The following CTIF variants were observed in gnomAD, a reference collection of about 807,000 sequenced individuals.
CTIF encodes cap binding complex dependent translation initiation factor, also known as CBP80/20-dependent translation initiation factor.
In CTIF, 21 loss-of-function variants were observed where a neutral mutation model predicts 66.0. The observed-to-expected ratio is 0.32, with a 90% CI of 0.23 to 0.46. CTIF has a LOEUF of 0.46. CTIF is among the 20% of genes least tolerant of loss of function. The pLI, the probability that CTIF is intolerant of heterozygous loss-of-function variation, is 1.00. For missense variants in CTIF, 739 were observed against 812.7 expected (o/e 0.91, Z 1.10); for synonymous variants, 345 against 326.4 (o/e 1.06, Z -0.62).
intron 6 of CTIF, among the ~76,000 whole-genome samples, chr18:48,708,351 G>C (rs987956093): frequency 3.3e-5 from 5 of 152,316 alleles, no homozygotes; most frequent in African/African-American, 9.6e-5. Flanking sequence ...GAGGAGTGTA[G>C]GCAGCACCCT....
At position 48,716,514 on chromosome 18, in the gene CTIF, T is replaced by C. The variant is rs2092283377; in HGVS notation, c.584+4819T>C. 2.0e-5 allele frequency among the ~76,000 whole-genome samples: 3 copies of C among 151,494 alleles called. No homozygotes were observed. The South Asian group carries it at 6.3e-4, about 32-fold the overall frequency. Reference sequence around the variant, plus strand: ...CTGTGGCTTGGTGTCCTCTAAATGCTCCTCTGCATCTAAGCAGGCTCTGGA... The same window carrying C: ...CTGTGGCTTGGTGTCCTCTAAATGCCCCTCTGCATCTAAGCAGGCTCTGGA... On this transcript the variant is annotated intron_variant, in intron 7 of 11. Transcript: ENST00000256413.
At chr18:48,817,141 CAG>C in intron 9 of CTIF, 78 bp from the exon 10 acceptor site, 1 of 1,423,346 alleles carries the variant, frequency 7.0e-7, no homozygotes, top group Non-Finnish European at 9.6e-7. Context: ...CCCAAGACAA[CAG>C]ATGCTCTGCA....
At chr18:48,672,262 A>C (rs1395449778) in intron 6 of CTIF, among the ~76,000 whole-genome samples, 4 of 151,930 alleles carry the variant, frequency 2.6e-5, no homozygotes, top group African/African-American at 9.7e-5. Context: ...CCTCATAAAT[A>C]GGGCTGGCTG....
At chr18:48,813,820 C>T (rs1313900170) in intron 9 of CTIF, among the ~76,000 whole-genome samples, 2 of 152,224 alleles carry the variant, frequency 1.3e-5, no homozygotes, top group Non-Finnish European at 2.9e-5. Flanking sequence ...CCTGAGAGCA[C>T]CATCCCTTAA....
intron 6 of CTIF, among the ~76,000 whole-genome samples, chr18:48,687,840 G>A (rs569069494): frequency 1.3e-5 from 2 of 152,294 alleles, no homozygotes; most frequent in Non-Finnish European, 2.9e-5. Flanking sequence ...CCTGAGTCCC[G>A]CTGTCCTTTG....
At chr18:48,845,623 G>A (rs2069053791) in intron 10 of CTIF, among the ~76,000 whole-genome samples, 1 of 152,030 alleles carries the variant, frequency 6.6e-6, no homozygotes, top group Admixed American at 6.6e-5. Context: ...TCACACCAAC[G>A]GCTTGACTAA....
intron 3 of CTIF, among the ~76,000 whole-genome samples, chr18:48,657,578 A>G (rs577398224): frequency 6.6e-6 from 1 of 152,198 alleles, no homozygotes; most frequent in Admixed American, 6.5e-5. Context: ...CTGCAGTACA[A>G]CAATGACGAG....
intron 1 of CTIF, among the ~76,000 whole-genome samples, chr18:48,613,176 C>G (rs866508344): frequency 6.6e-6 from 1 of 152,098 alleles, no homozygotes; most frequent in African/African-American, 2.4e-5. Flanking sequence ...CTCCTCATGC[C>G]GTTTGTCACT....
chr18:48,770,637 T>C (rs1910014275), intron 9 of CTIF, among the ~76,000 whole-genome samples: 1 of 152,218 alleles, frequency 6.6e-6, no homozygotes. Context: ...CAGGTGTGGG[T>C]CGTGCCCCCG....
At chr18:48,657,477 A>T (rs1264657067) in intron 3 of CTIF, among the ~76,000 whole-genome samples, 1 of 152,178 alleles carries the variant, frequency 6.6e-6, no homozygotes, top group Non-Finnish European at 1.5e-5. Context: ...CACTAAATTT[A>T]AACCACCAAC....
chr18:48,562,547 A>G (rs1051910692), intron 1 of CTIF, among the ~76,000 whole-genome samples: 7 of 152,154 alleles, frequency 4.6e-5, no homozygotes, highest in Admixed American at 4.6e-4. Context: ...TCTCAGGGCC[A>G]TCTCTGGCAA....
intron 7 of CTIF, among the ~76,000 whole-genome samples, chr18:48,722,403 T>C (rs139615283): frequency 1.5e-3 from 229 of 152,042 alleles, no homozygotes; most frequent in Non-Finnish European, 2.6e-3. Context: ...TTTTATTTTA[T>C]AGAGACAGGG....
chr18:48,544,743 G>A (rs2088704651), intron 1 of CTIF, among the ~76,000 whole-genome samples: 1 of 152,240 alleles, frequency 6.6e-6, no homozygotes. Flanking sequence ...GGTGCTTGGG[G>A]TGGGTAGAAC....
chr18:48,844,468 C>G (rs1221901262), intron 10 of CTIF, among the ~76,000 whole-genome samples: 1 of 152,242 alleles, frequency 6.6e-6, no homozygotes, highest in Non-Finnish European at 1.5e-5. Flanking sequence ...TGGGATGAAG[C>G]ATCCCCCATG....
chr18:48,799,511 C>T (rs542516360), intron 9 of CTIF, among the ~76,000 whole-genome samples: 23 of 152,182 alleles, frequency 1.5e-4, no homozygotes, highest in African/African-American at 5.1e-4. Context: ...TGGCATGGGA[C>T]GTATTTGTTA....
chr18:48,788,823 ACTC>A (rs1223624711), intron 9 of CTIF, among the ~76,000 whole-genome samples: 2 of 152,124 alleles, frequency 1.3e-5, no homozygotes, highest in African/African-American at 4.8e-5. Flanking sequence ...GTGGGTGTGA[ACTC>A]ATCACCGGCC....
At chr18:48,696,941 C>A (rs964733299) in intron 6 of CTIF, among the ~76,000 whole-genome samples, 10 of 152,214 alleles carry the variant, frequency 6.6e-5, no homozygotes, top group Non-Finnish European at 1.3e-4. Flanking sequence ...TTCACTGAGT[C>A]CTGGGGGACC....
chr18:48,790,327 G>A (rs1027387766), intron 9 of CTIF, among the ~76,000 whole-genome samples: 1 of 152,238 alleles, frequency 6.6e-6, no homozygotes, highest in African/African-American at 2.4e-5. Context: ...CAACAGGCAG[G>A]GAGTGTGAGC....
intron 10 of CTIF, among the ~76,000 whole-genome samples, chr18:48,839,013 CAG>C (rs2068876755): frequency 6.6e-6 from 1 of 152,256 alleles, no homozygotes; most frequent in Admixed American, 6.5e-5. Context: ...GTGCCGGCTA[CAG>C]CCCCGAGGCC....
Sources: allele counts gnomAD v4.1 joint callset (sites outside exome capture counted in the v4.1 genomes callset), GRCh38; gene constraint gnomAD v4.1.1; transcripts MANE v1.5; gene names NCBI Gene and HGNC (gene_info 2026-07-23, HGNC 2026-07-21).